Variants in SLC4A4 observed in about 807,000 individuals in gnomAD.
SLC4A4 encodes the protein electrogenic sodium bicarbonate cotransporter 1.
In SLC4A4, 27 loss-of-function variants were observed where a neutral mutation model predicts 111.5. The ratio of observed to expected loss-of-function variants is 0.24; its 90% CI spans 0.18 to 0.33. The LOEUF (loss-of-function observed/expected upper bound fraction) is 0.33, where lower values mean the gene tolerates loss of function less well. SLC4A4 is among the 10% of genes least tolerant of loss of function. SLC4A4 has a pLI of 1.00. For synonymous variants in SLC4A4, 443 were observed against 463.4 expected (o/e 0.96, Z 0.57); for missense variants, 909 against 1,315.5 (o/e 0.69, Z 4.78).
chr4:71,263,400 T>C (rs1722011551), intron 3 of SLC4A4, among the ~76,000 whole-genome samples: 1 of 152,200 alleles, frequency 6.6e-6, no homozygotes, highest in East Asian at 1.9e-4. Context: ...ATGTCATCTC[T>C]TCAGTATTAT....
intron 1 of SLC4A4, among the ~76,000 whole-genome samples, chr4:71,207,622 G>T (rs60466738): frequency 3.3e-5 from 5 of 152,166 alleles, no homozygotes; most frequent in Admixed American, 3.3e-4. Flanking sequence ...CAGTGGTAAA[G>T]GAAGTATTGG....
At position 71,210,005 on chromosome 4, in the gene SLC4A4, G is replaced by GT. The variant is rs1295834890; in HGVS notation, c.-2+22607dup. Among the ~76,000 whole-genome samples the GT allele has an allele frequency of 2.0e-5, 3 of 152,318 alleles. No individual in the cohort carries two copies. In the East Asian group the frequency reaches 5.8e-4, roughly 29 times the overall value. On this transcript the variant is annotated intron_variant, in intron 1 of 25. Coordinates refer to ENST00000264485, the MANE Select transcript of SLC4A4 (RefSeq NM_001098484.3). ...CTTTTCCGGAGAACGCTGTGACCAT[G>GT]TTTATCTCTTTTTTCCTTTTGCTTT...
At chr4:71,292,388 G>A (rs1010021545) in intron 3 of SLC4A4, among the ~76,000 whole-genome samples, 1 of 152,120 alleles carries the variant, frequency 6.6e-6, no homozygotes, top group Non-Finnish European at 1.5e-5. Context: ...TTAGTTCTAG[G>A]AACTAAGTTC....
chr4:71,421,265 T>C (rs1251675813), intron 7 of SLC4A4, among the ~76,000 whole-genome samples: 6 of 152,142 alleles, frequency 3.9e-5, no homozygotes, highest in East Asian at 1.9e-4. Context: ...TTAAAGAGAT[T>C]AATTCAACAA....
At chr4:71,089,717 T>A (rs1742319610) in intron 1 of SLC4A4, among the ~76,000 whole-genome samples, 1 of 151,950 alleles carries the variant, frequency 6.6e-6, no homozygotes, top group Admixed American at 6.6e-5. Flanking sequence ...CAGTGGATAT[T>A]GGTGAAGAGC....
In SLC4A4 at chr4:71,282,463, T is replaced by G. The variant is rs532137944; in HGVS notation, c.253+27064T>G. 1.7e-3 allele frequency among the ~76,000 whole-genome samples: 254 copies of G among 152,088 alleles called. 1 individual carries two copies. The highest frequency in any genetic ancestry group is 5.6e-3 in the African/African-American group (231 of 41,488). ...ACCATGCCCGGCTAATTTTGTATTTTTAGTAGAGATGGGGTTTCTCCGTGT... is the reference window on the plus strand; with the variant it reads ...ACCATGCCCGGCTAATTTTGTATTTGTAGTAGAGATGGGGTTTCTCCGTGT... On this transcript the variant is annotated intron_variant, in intron 3 of 25. Transcript: ENST00000264485.
intron 2 of SLC4A4, among the ~76,000 whole-genome samples, chr4:71,099,763 A>G (rs116352785): frequency 2.0e-5 from 3 of 152,306 alleles, no homozygotes; most frequent in African/African-American, 7.2e-5. Context: ...AGGGTGTGAC[A>G]AAGGGCATTT....
intron 1 of SLC4A4, among the ~76,000 whole-genome samples, chr4:71,072,864 C>G (rs186221765): frequency 6.6e-6 from 1 of 151,966 alleles, no homozygotes; most frequent in African/African-American, 2.4e-5. Context: ...GCCTCTTGGG[C>G]TTAAGCGATC....
In SLC4A4 at chr4:71,560,210, A is replaced by G. The variant is rs758449153; in HGVS notation, c.3055A>G (p.Lys1019Glu). The change falls in exon 23 of 26, where the codon AAA (lysine) becomes GAA (glutamate). Residue 1019 changes from lysine (K) to glutamate (E), a missense_variant. Lys to Glu is a moderately conservative substitution (Grantham distance 56, BLOSUM62 1). This residue lies in a region of SLC4A4 where 85 missense variants were observed against 79.8 expected (regional missense o/e 1.07). Coordinates refer to ENST00000264485, the MANE Select transcript of SLC4A4 (RefSeq NM_001098484.3). ...KDKKKKEDEK[K>E]KKKKKGSLDS... ...CAAGAAAAAGAAGGAGGATGAGAAG[A>G]AAAAGAAAAAGAAGAAGGGAAGTCT... The G allele has an allele frequency of 6.2e-7, 1 of 1,610,656 alleles. No homozygotes were observed. Among genetic ancestry groups the G allele is most frequent in the Non-Finnish European group, 8.5e-7 (1 of 1,177,954 alleles).
intron 23 of SLC4A4, among the ~76,000 whole-genome samples, chr4:71,563,033 A>T (rs995365630): frequency 2.0e-5 from 3 of 151,508 alleles, no homozygotes; most frequent in African/African-American, 4.8e-5. Context: ...TAATGCATTT[A>T]AAAAAAACAA....
intron 8 of SLC4A4, among the ~76,000 whole-genome samples, chr4:71,442,739 T>C (rs1724843439): frequency 6.6e-6 from 1 of 152,168 alleles, no homozygotes; most frequent in Non-Finnish European, 1.5e-5. Flanking sequence ...GGAGGAAAGT[T>C]ATGCTGCCAT....
chr4:71,069,993 C>T (rs1436650785), intron 1 of SLC4A4, among the ~76,000 whole-genome samples: 1 of 152,064 alleles, frequency 6.6e-6, no homozygotes, highest in African/African-American at 2.4e-5. Flanking sequence ...CACAAATAAC[C>T]CTCATAAGTC....
chr4:71,168,438 C>T (rs1744843265), intron 2 of SLC4A4, among the ~76,000 whole-genome samples: 1 of 152,120 alleles, frequency 6.6e-6, no homozygotes, highest in Non-Finnish European at 1.5e-5. Flanking sequence ...CTGCCTCAGC[C>T]TCCCAAAGTG....
intron 6 of SLC4A4, among the ~76,000 whole-genome samples, chr4:71,372,808 T>C (rs1444179335): frequency 6.6e-6 from 1 of 152,128 alleles, no homozygotes; most frequent in Non-Finnish European, 1.5e-5. Context: ...GTTATTATTA[T>C]CATCCCAAGT....
At chr4:71,473,346 T>C in intron 14 of SLC4A4, 1 of 505,202 alleles carries the variant, frequency 2.0e-6, no homozygotes, top group East Asian at 3.0e-5. Flanking sequence ...TTTATTGGTG[T>C]AGGAATGTCT....
chr4:71,541,535 G>A (rs1384596820), intron 18 of SLC4A4, among the ~76,000 whole-genome samples: 1 of 152,152 alleles, frequency 6.6e-6, no homozygotes, highest in Non-Finnish European at 1.5e-5. Context: ...AGAGTTTCTG[G>A]AATCCCTGAG....
At chr4:71,444,171 T>C (rs922137822) in intron 8 of SLC4A4, among the ~76,000 whole-genome samples, 6 of 152,266 alleles carry the variant, frequency 3.9e-5, no homozygotes, top group Non-Finnish European at 7.4e-5. Context: ...CATCAAGTGG[T>C]TTAGGAAGGC....
chr4:71,181,640 A>T (rs538785365), intron 2 of SLC4A4, among the ~76,000 whole-genome samples: 1 of 152,352 alleles, frequency 6.6e-6, no homozygotes, highest in African/African-American at 2.4e-5. Context: ...CCAAAAAAGA[A>T]GGAATGCCAT....
rs114882062 is a variant in SLC4A4, at chr4:71,440,937, C to T, written c.965+164C>T. Among the ~76,000 whole-genome samples, 342 of 152,230 alleles carry T rather than the reference C, an allele frequency of 2.2e-3. 1 individual carries two copies. Among genetic ancestry groups the T allele is most frequent in the African/African-American group, 7.7e-3 (319 of 41,544 alleles). The stretch of plus-strand genomic sequence containing the variant: ...ACTTTTATACTGTCAAATTTCTTGG[C>T]ACTTATATAGTAATAATAATAGCAA... On this transcript the variant is annotated intron_variant, in intron 8 of 25. Transcript: ENST00000264485.
Sources: allele counts gnomAD v4.1 joint callset (sites outside exome capture counted in the v4.1 genomes callset), GRCh38; gene constraint gnomAD v4.1.1; regional missense constraint gnomAD v4.1.1; transcripts MANE v1.5; gene names NCBI Gene and HGNC (gene_info 2026-07-23, HGNC 2026-07-21).